Variants in POLR3E observed in about 807,000 individuals in gnomAD.
POLR3E encodes the protein RNA polymerase III subunit E, also known as DNA-directed RNA polymerase III subunit RPC5.
POLR3E carries 41 observed loss-of-function variants against 96.6 expected under a neutral mutation model. The observed-to-expected ratio is 0.42, with a 90% CI of 0.33 to 0.55. The LOEUF (loss-of-function observed/expected upper bound fraction) is 0.55, where lower values mean the gene tolerates loss of function less well. Ranked by LOEUF, POLR3E falls within the 20% of genes least tolerant of loss-of-function variation. The probability of loss-of-function intolerance (pLI) is 0.06; values close to 1 mark genes in which losing one functional copy is unlikely to be tolerated. For missense variants in POLR3E, 849 were observed against 952.1 expected (o/e 0.89, Z 1.43); for synonymous variants, 396 against 383.6 (o/e 1.03, Z -0.38).
At position 22,325,808 on chromosome 16, in the gene POLR3E, A is replaced by G; in HGVS notation, c.1396A>G (p.Thr466Ala). 1 of 1,604,956 alleles carries G rather than the reference A, an allele frequency of 6.2e-7. No individual in the cohort carries two copies. Among genetic ancestry groups the G allele is most frequent in the East Asian group, 2.2e-5 (1 of 44,812 alleles). Residue 466 changes from threonine to alanine, a missense_variant, in exon 18 of 21, where the codon ACC becomes GCC. Transcript: ENST00000299853. ...GGACCAGCGGATCCAAGTAGCCAAA[A>G]CCAAGGCCCAGCAGAACCACGCGTT... is the stretch of plus-strand genomic sequence containing the variant. Reference protein sequence around the residue: ...CGDQRIQVAKTKAQQNHALLE... With the variant: ...CGDQRIQVAKAKAQQNHALLE...
chr16:22,326,331 C>T (rs760699249), intron 18 of POLR3E, 53 bp downstream of exon 18: 1 of 1,306,768 alleles, frequency 7.7e-7, no homozygotes, highest in South Asian at 1.3e-5. Context: ...TGGGGAGAAC[C>T]AGCTGTTGGG....
At chr16:22,301,877 G>T (rs902527126) in intron 1 of POLR3E, among the ~76,000 whole-genome samples, 1 of 149,926 alleles carries the variant, frequency 6.7e-6, no homozygotes, top group Non-Finnish European at 1.5e-5. Context: ...TGAGCCGATC[G>T]TACCACCGCA....
intron 1 of POLR3E, among the ~76,000 whole-genome samples, chr16:22,299,487 C>T (rs1406501109): frequency 5.4e-5 from 8 of 148,080 alleles, no homozygotes; most frequent in Non-Finnish European, 1.2e-4. Context: ...GATCTCGGCT[C>T]ACTGCAACCT....
At position 22,325,114 on chromosome 16, in the gene POLR3E, G is replaced by C. The variant is rs568273507; in HGVS notation, c.1287-91G>C. On this transcript the variant is annotated intron_variant, in intron 16 of 20. Coordinates refer to ENST00000299853, the MANE Select transcript of POLR3E (RefSeq NM_018119.4). The stretch of plus-strand genomic sequence containing the variant: ...CAAGCCTGCGCTGTCAGTAACCAGC[G>C]TGTCCTGGGGCCTAAGGGGTGGTTG... The C allele has an allele frequency of 9.0e-5, 88 of 974,002 alleles. 5 individuals carry two copies. The South Asian group carries it at 1.2e-3, about 13-fold the overall frequency. 60.3% of individuals were successfully genotyped at this position (974,002 alleles called of 1,614,324 possible).
At chr16:22,300,350 C>T (rs533052096) in intron 1 of POLR3E, among the ~76,000 whole-genome samples, 88 of 152,284 alleles carry the variant, frequency 5.8e-4, no homozygotes, top group African/African-American at 2.0e-3. Context: ...TGGATCACCT[C>T]GGCCTGGAGG....
chr16:22,306,654 T>C (rs1282594819), intron 3 of POLR3E, among the ~76,000 whole-genome samples: 1 of 152,274 alleles, frequency 6.6e-6, no homozygotes, highest in Non-Finnish European at 1.5e-5. Context: ...TTTCTACTTT[T>C]TGGCTATTAT....
chr16:22,303,984 T>G lies in POLR3E; in HGVS notation c.36+980T>G, dbSNP rs2048083516. ...CGCCACTACACCTGGCTAATTTTTG[T>G]ATTTTTAGTAGAGATGGGATTTCAC... On this transcript the variant is annotated intron_variant, in intron 2 of 20. Transcript: ENST00000299853. Among the ~76,000 whole-genome samples, 4 of 151,918 alleles carry G rather than the reference T, an allele frequency of 2.6e-5. No individual in the cohort carries two copies. In the South Asian group the frequency reaches 8.3e-4, roughly 32 times the overall value.
At chr16:22,325,077 C>T in intron 16 of POLR3E, 128 bp from the exon 17 acceptor site, 1 of 766,688 alleles carries the variant, frequency 1.3e-6, no homozygotes, top group Non-Finnish European at 2.3e-6. Flanking sequence ...CTCAGTAGGG[C>T]TGGCTGAGCT....
Position 22,325,857 on chromosome 16 carries a change from G to A in POLR3E, c.1445G>A (p.Arg482Gln), listed in dbSNP as rs377295700. ...TTGCTGGAGCGGGAGCTGCAGCGGCGGAAGGAGCAGCTGCGGGTGCCTGCG... is the reference window on the plus strand; with the variant it reads ...TTGCTGGAGCGGGAGCTGCAGCGGCAGAAGGAGCAGCTGCGGGTGCCTGCG... ...HALLERELQR[R>Q]KEQLRVPAVP... is the part of the protein sequence containing the mutation. The change falls in exon 18 of 21, where the codon CGG (arginine) becomes CAG (glutamine). Residue 482 changes from arginine to glutamine, a missense_variant. Transcript: ENST00000299853. The A allele has an allele frequency of 2.8e-5, 45 of 1,611,972 alleles. No individual in the cohort carries two copies. The highest frequency in any genetic ancestry group is 8.8e-5 in the South Asian group (8 of 90,834).
chr16:22,304,255 C>T (rs574718697), intron 2 of POLR3E, among the ~76,000 whole-genome samples: 1 of 152,304 alleles, frequency 6.6e-6, no homozygotes, highest in East Asian at 1.9e-4. Context: ...GCCTGACCTC[C>T]AGTGGGAAGG....
chr16:22,328,893 A>G, intron 19 of POLR3E: 2 of 324,730 alleles, frequency 6.2e-6, no homozygotes, highest in South Asian at 5.3e-5. Context: ...TGGGAGGCCA[A>G]GGTGGGTGGA....
Position 22,308,951 on chromosome 16 carries a change from C to G in POLR3E, c.192C>G (p.Thr64=), listed in dbSNP as rs1299374760. The G allele has an allele frequency of 3.1e-6, 5 of 1,613,942 alleles. No homozygotes were observed. In the African/African-American group the frequency reaches 6.7e-5, roughly 22 times the overall value. Residue 64 remains threonine, a synonymous_variant, in exon 5 of 21, where the codon ACC becomes ACG. Coordinates refer to ENST00000299853, the MANE Select transcript of POLR3E (RefSeq NM_018119.4). ...TAGAGCTTGAGATGGCCATCGACAC[C>G]CTGAACCCCAACTATTGCCGCAGCA... is the stretch of plus-strand genomic sequence containing the variant. ...QKVELEMAID[T]LNPNYCRSKG...
intron 1 of POLR3E, among the ~76,000 whole-genome samples, chr16:22,298,116 T>C (rs2141713141): frequency 6.6e-6 from 1 of 152,354 alleles, no homozygotes; most frequent in Non-Finnish European, 1.5e-5. Context: ...GTGTTCCGGA[T>C]ACAGCCCTGA....
intron 20 of POLR3E, 112 bp downstream of exon 20, chr16:22,332,297 C>T: frequency 1.1e-6 from 1 of 921,498 alleles, no homozygotes; most frequent in Non-Finnish European, 1.6e-6. Context: ...TCCTTGGGAC[C>T]ACTCCCCAGT....
chr16:22,304,923 A>G (rs927216004), intron 2 of POLR3E, among the ~76,000 whole-genome samples: 1 of 152,114 alleles, frequency 6.6e-6, no homozygotes, highest in Admixed American at 6.5e-5. Context: ...GGGTGGGGGT[A>G]CCAGGTGAAC....
At chr16:22,319,548 C>T (rs112074211) in intron 13 of POLR3E, among the ~76,000 whole-genome samples, 5,246 of 151,958 alleles carry the variant, frequency 0.035, 306 homozygotes, top group African/African-American at 0.12. Context: ...ACAAGGCACC[C>T]GCCACCACGC....
chr16:22,298,517 C>T (rs371120207), intron 1 of POLR3E, among the ~76,000 whole-genome samples: 1 of 152,170 alleles, frequency 6.6e-6, no homozygotes. Flanking sequence ...ATACCAAACC[C>T]AGACAACTCA....
At chr16:22,316,557 G>A in intron 9 of POLR3E, 44 bp from the exon 10 acceptor site, 13 of 1,501,630 alleles carry the variant, frequency 8.7e-6, no homozygotes, top group Non-Finnish European at 1.2e-5. Context: ...CCAGGCCAGG[G>A]CCATCAGCTG....
chr16:22,315,350 T>C (rs2048332300), intron 9 of POLR3E, 142 bp downstream of exon 9: 1 of 871,390 alleles, frequency 1.1e-6, no homozygotes, highest in Non-Finnish European at 1.7e-6. Flanking sequence ...GTGGGCAGTT[T>C]ACACTTCACT....
Sources: allele counts gnomAD v4.1 joint callset (sites outside exome capture counted in the v4.1 genomes callset), GRCh38; gene constraint gnomAD v4.1.1; transcripts MANE v1.5; gene names NCBI Gene and HGNC (gene_info 2026-07-23, HGNC 2026-07-21).